The following NACC2 variants were observed in gnomAD, a reference collection of about 807,000 sequenced individuals.
NACC2 encodes nucleus accumbens-associated protein 2.
Under a neutral mutation model 25.1 loss-of-function variants are expected in NACC2, and 8 were observed. The ratio of observed to expected loss-of-function variants is 0.32; its 90% CI spans 0.19 to 0.57. The LOEUF (loss-of-function observed/expected upper bound fraction) is 0.57, where lower values mean the gene tolerates loss of function less well. NACC2 is among the 20% of genes least tolerant of loss of function. The pLI, the probability that NACC2 is intolerant of heterozygous loss-of-function variation, is 0.89. For missense variants in NACC2, 644 were observed against 650.2 expected, an observed-to-expected ratio of 0.99 and a Z score of 0.10; for synonymous variants, 435 against 294.7, an observed-to-expected ratio of 1.48 and a Z score of -4.88.
rs1166765507 is a variant in NACC2 at position 136,022,403 on chromosome 9, A to G, written c.887-5974T>C. ...GATGCCCAGCAAGGCTGGGACCACA[A>G]CTTGCTTCCCAGCTCCCCGCCCAGG... is the stretch of plus-strand genomic sequence containing the variant. On this transcript the variant is annotated intron_variant, in intron 2 of 5. Coordinates refer to ENST00000277554, the MANE Select transcript of NACC2 (RefSeq NM_144653.5). The surrounding 1 kb of genome is among the most constrained non-coding windows in gnomAD (Gnocchi z 4.4). 6.6e-6 allele frequency among the ~76,000 whole-genome samples: 1 copy of G among 152,218 alleles called. No homozygotes were observed. The highest frequency in any genetic ancestry group is 1.5e-5 in the Non-Finnish European group (1 of 68,030).
chr9:136,093,886 G>A (rs1292253379), intron 1 of NACC2, among the ~76,000 whole-genome samples: 3 of 152,320 alleles, frequency 2.0e-5, no homozygotes, highest in African/African-American at 7.2e-5. Context: ...GGTGCTACAG[G>A]CTAAAACACC....
intron 1 of NACC2, among the ~76,000 whole-genome samples, chr9:136,063,145 TCTC>T (rs1841035815): frequency 6.6e-6 from 1 of 152,178 alleles, no homozygotes; most frequent in Non-Finnish European, 1.5e-5. Context: ...GATCTGTCTC[TCTC>T]CTGTCAAACG....
chr9:136,059,002 T>C (rs1353131020), intron 1 of NACC2, among the ~76,000 whole-genome samples: 1 of 152,186 alleles, frequency 6.6e-6, no homozygotes, highest in African/African-American at 2.4e-5. Flanking sequence ...CCCTCCTGTC[T>C]GCAGGGAGAG....
chr9:136,084,570 A>G lies in NACC2; in HGVS notation c.-60+10619T>C, dbSNP rs1830357692. ...GGAGTCAGGGTCACGAAGGCCATGG[A>G]AAGGCCACAGAATACACCAGGCTGG... On this transcript the variant is annotated intron_variant, in intron 1 of 5. Coordinates refer to ENST00000277554, the MANE Select transcript of NACC2 (RefSeq NM_144653.5). The surrounding 1 kb of genome is among the most constrained non-coding windows in gnomAD (Gnocchi z 5.1). Among the ~76,000 whole-genome samples the G allele has an allele frequency of 6.6e-6, 1 of 152,220 alleles. No homozygotes were observed. The highest frequency in any genetic ancestry group is 2.1e-4 in the South Asian group (1 of 4,832).
intron 2 of NACC2, among the ~76,000 whole-genome samples, chr9:136,039,301 T>C (rs1277880186): frequency 1.3e-5 from 2 of 152,220 alleles, no homozygotes; most frequent in African/African-American, 2.4e-5. Flanking sequence ...TTAAAGTCAA[T>C]TGTAATTGGT....
chr9:136,056,115 C>T (rs1048970920), intron 1 of NACC2, among the ~76,000 whole-genome samples: 35 of 152,190 alleles, frequency 2.3e-4, no homozygotes, highest in African/African-American at 8.0e-4. Flanking sequence ...CGGCAGGGGG[C>T]CCGGAGGTTA....
intron 2 of NACC2, among the ~76,000 whole-genome samples, chr9:136,028,376 CTTTTT>C (rs756007174): frequency 1.5e-5 from 2 of 133,196 alleles, no homozygotes; most frequent in African/African-American, 5.6e-5. Context: ...CCTTTGCTTC[CTTTTT>C]TTTTTTTTTT....
intron 2 of NACC2, among the ~76,000 whole-genome samples, chr9:136,041,368 C>T (rs1250199740): frequency 6.7e-6 from 1 of 150,026 alleles, no homozygotes; most frequent in African/African-American, 2.5e-5. Context: ...TGCAGTGAGC[C>T]GAGATCGCAC....
chr9:136,093,667 C>T (rs1387683262), intron 1 of NACC2, among the ~76,000 whole-genome samples: 1 of 152,226 alleles, frequency 6.6e-6, no homozygotes, highest in African/African-American at 2.4e-5. Flanking sequence ...ATTTCCTCCC[C>T]TTGGACTCTG....
intron 2 of NACC2, among the ~76,000 whole-genome samples, chr9:136,016,768 T>C (rs1259160476): frequency 6.6e-6 from 1 of 152,138 alleles, no homozygotes; most frequent in African/African-American, 2.4e-5. Context: ...ATGCAGAGCC[T>C]GCTTGCCGGG....
At chr9:136,090,597 G>A (rs1830424387) in intron 1 of NACC2, among the ~76,000 whole-genome samples, 1 of 151,382 alleles carries the variant, frequency 6.6e-6, no homozygotes, top group Admixed American at 6.6e-5. Flanking sequence ...ACCCCAGGCA[G>A]CTCTGGCCAA....
At position 136,019,045 on chromosome 9, in the gene NACC2, T is replaced by G. The variant is rs1045596418; in HGVS notation, c.887-2616A>C. ...CCAGAGCGGCCAAAAAAGCCTCTTC[T>G]ATTTCTGCCTTGCCGTGCACCGGGT... On this transcript the variant is annotated intron_variant, in intron 2 of 5. Coordinates refer to ENST00000277554, the MANE Select transcript of NACC2 (RefSeq NM_144653.5). The surrounding 1 kb of genome is among the most constrained non-coding windows in gnomAD (Gnocchi z 5.2). 2 of 151,520 alleles carry G rather than the reference T, an allele frequency of 1.3e-5. No homozygotes were observed. Among genetic ancestry groups the G allele is most frequent in the African/African-American group, 4.8e-5 (2 of 41,312 alleles). The allele number at this position is 151,520 out of a possible 1,614,324, so 9.4% of individuals were successfully genotyped here. A position where few individuals can be genotyped will look rare whatever the true frequency, so the allele number is the denominator to read the frequency against.
Position 136,075,249 on chromosome 9 carries a change from G to C in NACC2, c.-60+19940C>G, listed in dbSNP as rs939636011. ...CACCAGGGAGGTGGCCAGGACTCCAGGACACATTCTGGTCCAGTCCGGCAC... is the reference window on the plus strand; with the variant it reads ...CACCAGGGAGGTGGCCAGGACTCCACGACACATTCTGGTCCAGTCCGGCAC... On this transcript the variant is annotated intron_variant, in intron 1 of 5. Coordinates refer to ENST00000277554, the MANE Select transcript of NACC2 (RefSeq NM_144653.5). 5.9e-5 allele frequency among the ~76,000 whole-genome samples: 9 copies of C among 152,328 alleles called. No homozygotes were observed. The South Asian group carries it at 1.9e-3, about 32-fold the overall frequency.
chr9:136,023,857 CTAAGGACAAAT>C (rs1840334119), intron 2 of NACC2, among the ~76,000 whole-genome samples: 1 of 152,246 alleles, frequency 6.6e-6, no homozygotes, highest in South Asian at 2.1e-4. Flanking sequence ...GACCAGGACA[CTAAGGACAAAT>C]GAAGGGCAAT....
intron 2 of NACC2, among the ~76,000 whole-genome samples, chr9:136,037,858 T>TAA (rs542731470): frequency 6.7e-6 from 1 of 149,688 alleles, no homozygotes; most frequent in Admixed American, 6.7e-5. Flanking sequence ...GTTATATGGT[T>TAA]AAAAAAAAAA....
In NACC2 at chr9:136,034,045, T is replaced by C. The variant is rs943960842; in HGVS notation, c.886+15591A>G. 5.2e-3 allele frequency among the ~76,000 whole-genome samples: 795 copies of C among 152,136 alleles called. 5 individuals carry two copies. The highest frequency in any genetic ancestry group is 0.014 in the Middle Eastern group (4 of 294). On this transcript the variant is annotated intron_variant, in intron 2 of 5. Coordinates refer to ENST00000277554, the MANE Select transcript of NACC2 (RefSeq NM_144653.5). The stretch of plus-strand genomic sequence containing the variant: ...AAACCTGAAAGAGTTAGAGAAAATA[T>C]TTAGAAAGATTCAGAAAAAATTTTT...
chr9:136,090,916 C>T (rs1615391), intron 1 of NACC2, among the ~76,000 whole-genome samples: 146,602 of 152,120 alleles, frequency 0.96, 70,883 homozygotes, highest in East Asian at 1. Context: ...TCAGGCCCCT[C>T]TGTTCCCCGC....
intron 2 of NACC2, among the ~76,000 whole-genome samples, chr9:136,036,132 G>A (rs1840548796): frequency 2.0e-5 from 3 of 152,144 alleles, no homozygotes; most frequent in African/African-American, 7.2e-5. Context: ...CGTGCAAAGT[G>A]GCAAGAAAAG....
chr9:136,077,579 T>C (rs969819271), intron 1 of NACC2, among the ~76,000 whole-genome samples: 1 of 151,912 alleles, frequency 6.6e-6, no homozygotes, highest in Non-Finnish European at 1.5e-5. Context: ...ATTCTACAAA[T>C]CCATCAAGAA....
Sources: gnomAD v4.1 joint callset for allele counts (sites outside exome capture counted in the v4.1 genomes callset) on GRCh38, gnomAD v4.1.1 for gene constraint, Gnocchi (gnomAD v3.1) non-coding constraint, MANE v1.5 for transcripts, NCBI Gene and HGNC (gene_info 2026-07-23, HGNC 2026-07-21) for gene names.